The following EFCAB6 variants were observed in gnomAD, a reference collection of about 807,000 sequenced individuals.
EFCAB6 encodes the protein EF-hand calcium binding domain 6.
A neutral mutation model predicts 169.8 loss-of-function variants in EFCAB6; 156 were observed. That is an observed-to-expected ratio of 0.92 (90% confidence interval 0.81 to 1.05). The LOEUF (loss-of-function observed/expected upper bound fraction) is 1.05. EFCAB6 is among the 50% of genes least tolerant of loss of function. The pLI, the probability that EFCAB6 is intolerant of heterozygous loss-of-function variation, is 0.00. For synonymous variants in EFCAB6, 698 were observed against 676.4 expected, an observed-to-expected ratio of 1.03 and a Z score of -0.50; for missense variants, 1,800 against 1,829.1, an observed-to-expected ratio of 0.98 and a Z score of 0.29.
chr22:43,687,450 T>TTG, intron 11 of EFCAB6, 21 bp downstream of exon 11: 4 of 1,270,744 alleles, frequency 3.1e-6, no homozygotes, highest in South Asian at 3.1e-5. Context: ...AAAATTTGTT[T>TTG]TTTTTTTTTT....
At chr22:43,570,821 T>A (rs1226440069) in intron 26 of EFCAB6, among the ~76,000 whole-genome samples, 2 of 152,186 alleles carry the variant, frequency 1.3e-5, no homozygotes, top group African/African-American at 2.4e-5. Flanking sequence ...CAGGCCTCTG[T>A]GCCTCCTGGG....
At chr22:43,697,711 A>G (rs1235301010) in intron 10 of EFCAB6, among the ~76,000 whole-genome samples, 1 of 152,182 alleles carries the variant, frequency 6.6e-6, no homozygotes, top group African/African-American at 2.4e-5. Flanking sequence ...TGTCTCAGGC[A>G]GCAAGCAGCT....
chr22:43,669,761 A>T (rs549416534), intron 15 of EFCAB6, among the ~76,000 whole-genome samples: 1 of 152,332 alleles, frequency 6.6e-6, no homozygotes, highest in East Asian at 1.9e-4. Flanking sequence ...AGTAAATGTA[A>T]AAAAAGAATT....
At chr22:43,717,187 A>G (rs1199469768) in intron 8 of EFCAB6, among the ~76,000 whole-genome samples, 1 of 152,170 alleles carries the variant, frequency 6.6e-6, no homozygotes, top group Non-Finnish European at 1.5e-5. Context: ...TCTAGGATAA[A>G]CACTAGATAG....
At chr22:43,532,829 G>C (rs796622663) in intron 30 of EFCAB6, among the ~76,000 whole-genome samples, 4 of 152,192 alleles carry the variant, frequency 2.6e-5, no homozygotes, top group Admixed American at 1.3e-4. Context: ...GGGGCCAGGT[G>C]GGGGGTGGGG....
intron 23 of EFCAB6, among the ~76,000 whole-genome samples, chr22:43,592,685 C>T (rs1435875708): frequency 1.3e-5 from 2 of 152,106 alleles, no homozygotes; most frequent in African/African-American, 2.4e-5. Flanking sequence ...AAGACAGAGG[C>T]CAGAAGGGGG....
rs2055297647 is a variant in EFCAB6, at chr22:43,635,227, A to T, written c.1984-11T>A. ...AGTGTCTTCCAGTACCTGACGAGGG[A>T]GACAGGGGAGGGTGGAGAGGCGTTA... is the stretch of plus-strand genomic sequence containing the variant. On this transcript the variant is annotated splice_polypyrimidine_tract_variant and intron_variant, in intron 17 of 31. Coordinates refer to ENST00000262726, the MANE Select transcript of EFCAB6 (RefSeq NM_022785.4). 1 of 1,606,902 alleles carries T rather than the reference A, an allele frequency of 6.2e-7. No homozygotes were observed. Among genetic ancestry groups the T allele is most frequent in the Admixed American group, 1.7e-5 (1 of 59,966 alleles).
intron 2 of EFCAB6, among the ~76,000 whole-genome samples, chr22:43,801,877 C>T (rs188679512): frequency 7.9e-5 from 12 of 152,220 alleles, no homozygotes; most frequent in Admixed American, 7.2e-4. Context: ...AACAATAACA[C>T]TGAATGTTCA....
chr22:43,734,858 G>T (rs2147657901), intron 7 of EFCAB6, among the ~76,000 whole-genome samples: 1 of 152,240 alleles, frequency 6.6e-6, no homozygotes, highest in South Asian at 2.1e-4. Flanking sequence ...TGCCTCAGGG[G>T]CAAATTCTTC....
chr22:43,762,809 C>T (rs1346623383), intron 5 of EFCAB6, among the ~76,000 whole-genome samples: 1 of 152,164 alleles, frequency 6.6e-6, no homozygotes, highest in Admixed American at 6.5e-5. Context: ...TTTAGCTTTC[C>T]CAACAAAGAC....
chr22:43,571,344 C>T (rs776410923), intron 26 of EFCAB6, among the ~76,000 whole-genome samples: 21 of 152,138 alleles, frequency 1.4e-4, no homozygotes, highest in Non-Finnish European at 2.2e-4. Flanking sequence ...ACTTGCTTTG[C>T]GGGGAGAGTT....
Position 43,669,013 on chromosome 22 carries a change from C to T in EFCAB6, c.1673G>A (p.Gly558Glu), listed in dbSNP as rs768192648. The T allele has an allele frequency of 6.8e-6, 11 of 1,611,204 alleles. 1 individual carries two copies. Among genetic ancestry groups the T allele is most frequent in the Admixed American group, 3.4e-5 (2 of 59,616 alleles). ...LCSKIQDIGSGRILYKKLLAC... is the reference protein window; with the variant it reads ...LCSKIQDIGSERILYKKLLAC... ...CAAAAGTTTCTTGTAAAGGATTCTT[C>T]CTGAACCAATGTCCTGAATCTTACT... is the stretch of plus-strand genomic sequence containing the variant. Residue 558 changes from glycine (G) to glutamate (E), a missense_variant, in exon 16 of 32, where the codon GGA (glycine) becomes GAA (glutamate). Physicochemically the swap from Gly to Glu is moderately conservative, Grantham distance 98. Transcript: ENST00000262726.
At chr22:43,679,322 C>T (rs775195803) in intron 12 of EFCAB6, among the ~76,000 whole-genome samples, 2 of 152,142 alleles carry the variant, frequency 1.3e-5, no homozygotes, top group Non-Finnish European at 2.9e-5. Flanking sequence ...TAGCATATAT[C>T]AGTATTTTGC....
At chr22:43,555,807 T>C (rs1037075920) in intron 26 of EFCAB6, among the ~76,000 whole-genome samples, 1 of 152,206 alleles carries the variant, frequency 6.6e-6, no homozygotes, top group Non-Finnish European at 1.5e-5. Flanking sequence ...CTAAGGACTC[T>C]GGAGGAGGGA....
At chr22:43,638,115 A>G (rs1307157053) in intron 17 of EFCAB6, among the ~76,000 whole-genome samples, 1 of 152,150 alleles carries the variant, frequency 6.6e-6, no homozygotes, top group Non-Finnish European at 1.5e-5. Context: ...TGCAAGTGCC[A>G]TTCCCAGAAG....
chr22:43,676,418 C>CAAAAAAA (rs34550416), intron 13 of EFCAB6, among the ~76,000 whole-genome samples: 1 of 60,484 alleles, frequency 1.7e-5, no homozygotes, highest in Non-Finnish European at 3.3e-5. Flanking sequence ...GACTCCGTCT[C>CAAAAAAA]AAAAAAAAAA....
chr22:43,592,233 T>C (rs1403970813), intron 23 of EFCAB6, among the ~76,000 whole-genome samples: 1 of 152,234 alleles, frequency 6.6e-6, no homozygotes, highest in Non-Finnish European at 1.5e-5. Context: ...TTTGCCTTGC[T>C]GGCCTCCAGT....
At chr22:43,732,465 C>CTTT (rs5845617) in intron 7 of EFCAB6, among the ~76,000 whole-genome samples, 83 of 119,214 alleles carry the variant, frequency 7.0e-4, no homozygotes, top group African/African-American at 1.7e-3. Flanking sequence ...TACTGAAATA[C>CTTT]TTTTTTTTTT....
intron 24 of EFCAB6, among the ~76,000 whole-genome samples, chr22:43,582,782 T>C (rs976473330): frequency 6.6e-6 from 1 of 152,012 alleles, no homozygotes; most frequent in African/African-American, 2.4e-5. Flanking sequence ...TGGAATAGAA[T>C]GCTGGGGAAA....
Sources: gnomAD v4.1 joint callset for allele counts (sites outside exome capture counted in the v4.1 genomes callset) on GRCh38, gnomAD v4.1.1 for gene constraint, MANE v1.5 for transcripts, NCBI Gene and HGNC (gene_info 2026-07-23, HGNC 2026-07-21) for gene names.